Variants in PCDHGA1 observed in about 807,000 individuals in gnomAD.
PCDHGA1 encodes the protein protocadherin gamma subfamily A, 1.
PCDHGA1 carries 32 observed loss-of-function variants against 58.0 expected under a neutral mutation model. That is an observed-to-expected ratio of 0.55 (90% CI 0.42 to 0.74). The LOEUF is 0.74. Among genes scored for constraint, PCDHGA1 ranks in the 30% least tolerant of loss-of-function variants. The pLI is 0.00. For synonymous variants in PCDHGA1, 498 were observed against 501.1 expected, an observed-to-expected ratio of 0.99 and a Z score of 0.08; for missense variants, 1,205 against 1,182.3, an observed-to-expected ratio of 1.02 and a Z score of -0.28.
chr5:141,415,350 G>C, intron 1 of PCDHGA1: 1 of 1,614,228 alleles, frequency 6.2e-7, no homozygotes, highest in Non-Finnish European at 8.5e-7. Context: ...GCTGGCACAA[G>C]TCACGCCTGC....
intron 1 of PCDHGA1, chr5:141,388,301 G>C (rs1323976869): frequency 6.2e-7 from 1 of 1,613,606 alleles, no homozygotes; most frequent in African/African-American, 1.3e-5. Context: ...ATTCCTTTGA[G>C]CTGCAAATAA....
intron 1 of PCDHGA1, chr5:141,413,452 AGGATAGACC>A (rs2095643065): frequency 6.2e-7 from 1 of 1,614,124 alleles, no homozygotes; most frequent in Admixed American, 1.7e-5. Context: ...CACCGCGGGC[AGGATAGACC>A]GGGAGGAGCT....
chr5:141,350,982 A>C (rs562278000), intron 1 of PCDHGA1: 1 of 1,614,086 alleles, frequency 6.2e-7, no homozygotes, highest in Admixed American at 1.7e-5. Context: ...GTGTTTAGCC[A>C]GGAGGTATAC....
At chr5:141,371,506 C>G in intron 1 of PCDHGA1, 1 of 1,613,856 alleles carries the variant, frequency 6.2e-7, no homozygotes, top group Non-Finnish European at 8.5e-7. Flanking sequence ...CTGATCAAAA[C>G]ACATGATCTA....
Position 141,476,645 on chromosome 5 carries a change from A to C in PCDHGA1, c.2422-18162A>C. 1 of 1,614,246 alleles carries C rather than the reference A, an allele frequency of 6.2e-7. No homozygotes were observed. The highest frequency in any genetic ancestry group is 8.5e-7 in the Non-Finnish European group (1 of 1,180,052). On this transcript the variant is annotated intron_variant, in intron 1 of 3. Coordinates refer to ENST00000517417, the MANE Select transcript of PCDHGA1 (RefSeq NM_018912.3). The surrounding 1 kb of genome is among the most constrained non-coding windows in gnomAD (Gnocchi z 7.6). ...TTTACAAACCTATGAGCTGAGCCGA[A>C]ATGAATACTTTGCGCTTCGCGTGCA...
intron 2 of PCDHGA1, among the ~76,000 whole-genome samples, chr5:141,502,827 A>G (rs1003204508): frequency 2.7e-5 from 4 of 150,478 alleles, no homozygotes; most frequent in African/African-American, 9.8e-5. Flanking sequence ...TCCTTGGGGA[A>G]GCCTGGACTG....
intron 1 of PCDHGA1, chr5:141,384,456 C>A (rs145938509): frequency 6.2e-7 from 1 of 1,614,054 alleles, no homozygotes; most frequent in East Asian, 2.2e-5. Flanking sequence ...CGCTGCAATC[C>A]TTTGATTATG....
chr5:141,423,338 T>A, intron 1 of PCDHGA1: 1 of 1,614,150 alleles, frequency 6.2e-7, no homozygotes, highest in Middle Eastern at 1.6e-4. Flanking sequence ...GTCTCCTGCA[T>A]CTTCCTGGTC....
At chr5:141,374,627 G>T (rs955993144) in intron 1 of PCDHGA1, 5 of 1,613,182 alleles carry the variant, frequency 3.1e-6, no homozygotes, top group Admixed American at 1.7e-5. Flanking sequence ...CTCAGTGGAC[G>T]TGCAAAGCGA....
chr5:141,423,647 C>T (rs775169904), intron 1 of PCDHGA1: 3 of 1,589,144 alleles, frequency 1.9e-6, no homozygotes, highest in Non-Finnish European at 2.6e-6. Flanking sequence ...AAATGTGACC[C>T]GACAAGTAAT....
intron 2 of PCDHGA1, among the ~76,000 whole-genome samples, chr5:141,501,287 TTA>T (rs1491235092): frequency 6.2e-5 from 6 of 96,980 alleles, no homozygotes; most frequent in African/African-American, 2.5e-4. Context: ...GGATATTCCC[TTA>T]TACACACACA....
intron 1 of PCDHGA1, chr5:141,341,236 C>G (rs752681745): frequency 6.2e-7 from 1 of 1,614,248 alleles, no homozygotes; most frequent in South Asian, 1.1e-5. Context: ...CCTATTCCCA[C>G]GAGGTCTCCC....
At chr5:141,373,075 G>T (rs1337771380) in intron 1 of PCDHGA1, among the ~76,000 whole-genome samples, 1 of 152,076 alleles carries the variant, frequency 6.6e-6, no homozygotes, top group Non-Finnish European at 1.5e-5. Flanking sequence ...TTTTAATACA[G>T]TATTATCTCA....
chr5:141,433,671 A>G (rs1376085577), intron 1 of PCDHGA1, among the ~76,000 whole-genome samples: 12 of 152,058 alleles, frequency 7.9e-5, no homozygotes, highest in Admixed American at 7.2e-4. Flanking sequence ...CCCCGTCTAT[A>G]CTAAAAAAAT....
At chr5:141,374,602 T>G in intron 1 of PCDHGA1, 1 of 1,613,652 alleles carries the variant, frequency 6.2e-7, no homozygotes, top group Non-Finnish European at 8.5e-7. Flanking sequence ...TTAAGCTCAG[T>G]GGTAATAGTC....
intron 1 of PCDHGA1, among the ~76,000 whole-genome samples, chr5:141,482,447 T>C (rs2099560010): frequency 6.7e-6 from 1 of 149,882 alleles, no homozygotes; most frequent in East Asian, 1.9e-4. Flanking sequence ...ATTCACCATT[T>C]ATTAGCATCC....
chr5:141,473,362 C>A (rs2099320242), intron 1 of PCDHGA1, among the ~76,000 whole-genome samples: 1 of 152,166 alleles, frequency 6.6e-6, no homozygotes, highest in Admixed American at 6.5e-5. Context: ...AAGTGGCCAC[C>A]AAAATAGCAT....
chr5:141,421,473 C>T (rs907282414), intron 1 of PCDHGA1: 10 of 1,613,994 alleles, frequency 6.2e-6, no homozygotes, highest in Middle Eastern at 1.6e-4. Context: ...ATCCGCGAAG[C>T]GGCAGCTTGA....
Position 141,406,431 on chromosome 5 carries a change from T to A in PCDHGA1, c.2421+73326T>A, listed in dbSNP as rs1316370664. 2.0e-5 allele frequency among the ~76,000 whole-genome samples: 3 copies of A among 152,352 alleles called. No individual in the cohort carries two copies. In the South Asian group the frequency reaches 6.2e-4, roughly 32 times the overall value. ...CAGCTGAAAGCCCAGATTTATTGCT[T>A]CTATTCTTCCATTTCTATGACAGGA... On this transcript the variant is annotated intron_variant, in intron 1 of 3. Coordinates refer to ENST00000517417, the MANE Select transcript of PCDHGA1 (RefSeq NM_018912.3).
Sources: allele counts gnomAD v4.1 joint callset (sites outside exome capture counted in the v4.1 genomes callset), GRCh38; gene constraint gnomAD v4.1.1; non-coding constraint Gnocchi (gnomAD v3.1); transcripts MANE v1.5; gene names NCBI Gene and HGNC (gene_info 2026-07-23, HGNC 2026-07-21).